Variants in CCDC42 observed in about 807,000 individuals in gnomAD.
CCDC42 encodes coiled-coil domain containing 42.
Under a neutral mutation model 40.8 loss-of-function variants are expected in CCDC42, and 38 were observed. That is an observed-to-expected ratio of 0.93 (90% CI 0.72 to 1.22). The LOEUF (loss-of-function observed/expected upper bound fraction) is 1.22, where lower values mean the gene tolerates loss of function less well. CCDC42 is among the 50% of genes most tolerant of loss of function. The pLI, the probability that CCDC42 is intolerant of heterozygous loss-of-function variation, is 0.00. For missense variants in CCDC42, 379 were observed against 416.5 expected (o/e 0.91, Z 0.78); for synonymous variants, 135 against 157.5 (o/e 0.86, Z 1.07).
intron 4 of CCDC42, among the ~76,000 whole-genome samples, chr17:8,736,036 T>C: frequency 6.6e-6 from 1 of 152,184 alleles, no homozygotes; most frequent in East Asian, 1.9e-4. Flanking sequence ...GGAAGGCATT[T>C]TGCAATGTCT....
Position 8,743,653 on chromosome 17 carries a change from G to A in CCDC42, c.267C>T (p.His89=), listed in dbSNP as rs1204384280. Residue 89 remains histidine (H), a synonymous_variant, in exon 3 of 7, where the codon CAC becomes CAT. Transcript: ENST00000293845. The part of the protein sequence containing the change: ...LGVKEAQLKA[H]IQKSEQFIQE... ...GGATGAACTGCTCAGACTTCTGGAT[G>A]TGAGCCTTCAGTTGGGCTTCCTTAA... 3 of 1,611,810 alleles carry A rather than the reference G, an allele frequency of 1.9e-6. No homozygotes were observed. Among genetic ancestry groups the A allele is most frequent in the Non-Finnish European group, 2.5e-6 (3 of 1,177,918 alleles).
chr17:8,732,441 T>C (rs569938352), intron 6 of CCDC42, among the ~76,000 whole-genome samples: 1 of 152,128 alleles, frequency 6.6e-6, no homozygotes, highest in South Asian at 2.1e-4. Context: ...TGTCCAAAGC[T>C]CTCAACAACT....
chr17:8,730,937 A>C (rs1362587010), intron 6 of CCDC42, among the ~76,000 whole-genome samples: 7 of 152,180 alleles, frequency 4.6e-5, no homozygotes, highest in Non-Finnish European at 4.4e-5. Flanking sequence ...CGAAACCCAG[A>C]GCTGATGCTC....
In CCDC42 at chr17:8,735,643, C is replaced by T; in HGVS notation, c.493-32G>A. The T allele has an allele frequency of 6.3e-7, 1 of 1,587,068 alleles. No individual in the cohort carries two copies. The highest frequency in any genetic ancestry group is 8.6e-7 in the Non-Finnish European group (1 of 1,161,526). On this transcript the variant is annotated intron_variant, in intron 4 of 6. Coordinates refer to ENST00000293845, the MANE Select transcript of CCDC42 (RefSeq NM_144681.3). The surrounding 1 kb of genome is among the most constrained non-coding windows in gnomAD (Gnocchi z 4.7). ...TCAGGGGCTCAGGTCAATGCACAGC[C>T]AGCCCCTGGGGCCTGAGGGAGCCAC...
At chr17:8,740,014 T>C (rs2086631859) in intron 4 of CCDC42, among the ~76,000 whole-genome samples, 1 of 152,152 alleles carries the variant, frequency 6.6e-6, no homozygotes, top group South Asian at 2.1e-4. Flanking sequence ...GTTAGTGGTT[T>C]GATATGGAAA....
In CCDC42 at chr17:8,744,163, C is replaced by T; in HGVS notation, c.105G>A (p.Gly35=). 1 of 1,613,824 alleles carries T rather than the reference C, an allele frequency of 6.2e-7. No individual in the cohort carries two copies. Among genetic ancestry groups the T allele is most frequent in the Non-Finnish European group, 8.5e-7 (1 of 1,179,860 alleles). The change falls in exon 2 of 7, where the codon GGG becomes GGA. Residue 35 remains glycine (G), a synonymous_variant. Transcript: ENST00000293845. ...GCCAGATGGATGGGGACTCCGACGC[C>T]CCCTCAACATTGGGGAGTTTCCTGT... The part of the protein sequence containing the change: ...QMLQKLPNVE[G]ASESPSIWLL...
intron 4 of CCDC42, among the ~76,000 whole-genome samples, chr17:8,736,570 A>G (rs2086612573): frequency 6.6e-6 from 1 of 152,240 alleles, no homozygotes; most frequent in African/African-American, 2.4e-5. Flanking sequence ...AAACTTCCCG[A>G]GCACCTTCTC....
intron 4 of CCDC42, among the ~76,000 whole-genome samples, chr17:8,740,078 T>G (rs1202241832): frequency 6.6e-6 from 1 of 152,006 alleles, no homozygotes; most frequent in African/African-American, 2.4e-5. Context: ...TCAGAGGACA[T>G]GGATCCACAC....
intron 4 of CCDC42, among the ~76,000 whole-genome samples, chr17:8,737,790 C>G (rs989506232): frequency 3.3e-5 from 5 of 152,142 alleles, no homozygotes; most frequent in African/African-American, 1.2e-4. Flanking sequence ...CTCATTGGAA[C>G]AAACCAACTG....
rs141988546 is a variant in CCDC42 at position 8,741,584 on chromosome 17, G to A, written c.382C>T (p.Arg128Cys). The A allele has an allele frequency of 1.1e-3, 1,794 of 1,614,160 alleles. 17 individuals carry two copies. In the African/African-American group the frequency reaches 0.021, roughly 19 times the overall value. Residue 128 changes from arginine to cysteine, a missense_variant, in exon 4 of 7, where the codon CGC (arginine) becomes TGC (cysteine). Transcript: ENST00000293845. ...CGCAGCGCCACCATCTCCTGCTTGCGCTTGGTCAGCTCCTGCATGTGCTGG... is the reference window on the plus strand; with the variant it reads ...CGCAGCGCCACCATCTCCTGCTTGCACTTGGTCAGCTCCTGCATGTGCTGG... ...KCQHMQELTK[R>C]KQEMVALRLE...
chr17:8,735,435 C>A lies in CCDC42; in HGVS notation c.669G>T (p.Arg223Ser). The A allele has an allele frequency of 1.9e-6, 3 of 1,614,056 alleles. No individual in the cohort carries two copies. Among genetic ancestry groups the A allele is most frequent in the Non-Finnish European group, 2.5e-6 (3 of 1,180,034 alleles). Residue 223 changes from arginine to serine, a missense_variant, in exon 5 of 7, where the codon AGG (arginine) becomes AGT (serine). Transcript: ENST00000293845. This position sits in a 1 kb window ranked among gnomAD's most constrained non-coding sequence, Gnocchi z 4.7. ...EILQQNNELA[R>S]LQMRFDRARS... The stretch of plus-strand genomic sequence containing the variant: ...GGGCACGGTCAAAGCGCATCTGCAG[C>A]CTTGCCAGCTCATTGTTTTGCTGCA...
Position 8,735,209 on chromosome 17 carries a change from G to C in CCDC42, c.760C>G (p.Leu254Val). Residue 254 changes from leucine to valine, a missense_variant, in exon 6 of 7, where the codon CTC becomes GTC. Transcript: ENST00000293845. This position sits in a 1 kb window ranked among gnomAD's most constrained non-coding sequence, Gnocchi z 4.7. The part of the protein sequence containing the change: ...HIQNTAAKKT[L>V]LLGTIKMATL... ...GCCATCTTAATGGTGCCAAGCAGGA[G>C]GGTCTTCTTGGCTGCGGTGTTCTGG... is the stretch of plus-strand genomic sequence containing the variant. 4.3e-6 allele frequency: 7 copies of C among 1,614,190 alleles called. No homozygotes were observed. The highest frequency in any genetic ancestry group is 5.9e-6 in the Non-Finnish European group (7 of 1,180,028).
intron 6 of CCDC42, among the ~76,000 whole-genome samples, chr17:8,734,816 T>C (rs2086600000): frequency 6.6e-6 from 1 of 152,194 alleles, no homozygotes; most frequent in Non-Finnish European, 1.5e-5. Context: ...GTTTCGGTGC[T>C]AATGCAATGG....
chr17:8,739,958 G>T (rs17808525), intron 4 of CCDC42, among the ~76,000 whole-genome samples: 1 of 152,158 alleles, frequency 6.6e-6, no homozygotes, highest in Non-Finnish European at 1.5e-5. Flanking sequence ...GCACCTTTGA[G>T]TGGAGGAAAT....
intron 6 of CCDC42, among the ~76,000 whole-genome samples, chr17:8,734,627 G>A (rs1419320519): frequency 6.6e-6 from 1 of 151,976 alleles, no homozygotes; most frequent in Non-Finnish European, 1.5e-5. Context: ...AAAGTGCTGG[G>A]ATTACAGGCA....
chr17:8,735,784 T>C lies in CCDC42; in HGVS notation c.493-173A>G, dbSNP rs147607707. Among the ~76,000 whole-genome samples, 1,243 of 152,292 alleles carry C rather than the reference T, an allele frequency of 8.2e-3. 16 individuals are homozygous for C. The highest frequency in any genetic ancestry group is 0.029 in the African/African-American group (1,198 of 41,560). On this transcript the variant is annotated intron_variant, in intron 4 of 6. Coordinates refer to ENST00000293845, the MANE Select transcript of CCDC42 (RefSeq NM_144681.3). This position sits in a 1 kb window ranked among gnomAD's most constrained non-coding sequence, Gnocchi z 4.7. Reference sequence around the variant, plus strand: ...GGGACACTGGGGTTCCGCTGCCTGCTTCTCCTGGGTTTGTACGGGCCACGG... The same window carrying C: ...GGGACACTGGGGTTCCGCTGCCTGCCTCTCCTGGGTTTGTACGGGCCACGG...
rs1021670331 is a variant in CCDC42 at position 8,735,911 on chromosome 17, T to C, written c.493-300A>G. ...GGGCTTTAAAAAGGACACCTGCCAG[T>C]CTCCACCCCCAGAGATTCAGATGAA... is the stretch of plus-strand genomic sequence containing the variant. On this transcript the variant is annotated intron_variant, in intron 4 of 6. Transcript: ENST00000293845. The surrounding 1 kb of genome is among the most constrained non-coding windows in gnomAD (Gnocchi z 4.7). 6.6e-6 allele frequency among the ~76,000 whole-genome samples: 1 copy of C among 152,162 alleles called. No homozygotes were observed. The highest frequency in any genetic ancestry group is 1.5e-5 in the Non-Finnish European group (1 of 68,014).
rs758969111 is a variant in CCDC42 at position 8,735,073 on chromosome 17, C to T, written c.873+23G>A. The T allele has an allele frequency of 6.2e-7, 1 of 1,613,532 alleles. No homozygotes were observed. ...CTCGGCCCAGCCGACCCCACGGGCC[C>T]AGTGCCTGTCCCCTCCTCCTACCAT... On this transcript the variant is annotated intron_variant, in intron 6 of 6. Transcript: ENST00000293845. The surrounding 1 kb of genome is among the most constrained non-coding windows in gnomAD (Gnocchi z 4.7).
At chr17:8,733,262 T>C (rs1391833018) in intron 6 of CCDC42, among the ~76,000 whole-genome samples, 1 of 152,218 alleles carries the variant, frequency 6.6e-6, no homozygotes. Flanking sequence ...TCCCAGGTCC[T>C]TAAGTTTAAA....
Sources: allele counts gnomAD v4.1 joint callset (sites outside exome capture counted in the v4.1 genomes callset), GRCh38; gene constraint gnomAD v4.1.1; non-coding constraint Gnocchi (gnomAD v3.1); transcripts MANE v1.5; gene names NCBI Gene and HGNC (gene_info 2026-07-23, HGNC 2026-07-21).